RGS6: variants seen among roughly 807,000 people sequenced by gnomAD.
RGS6 encodes the protein regulator of G protein signaling 6, also known as regulator of G-protein signaling 6.
RGS6 carries 30 observed loss-of-function variants against 78.5 expected under a neutral mutation model. The ratio of observed to expected loss-of-function variants is 0.38; its 90% CI spans 0.29 to 0.52. The LOEUF (loss-of-function observed/expected upper bound fraction) is 0.52, where lower values mean the gene tolerates loss of function less well. Ranked by LOEUF, RGS6 falls within the 20% of genes least tolerant of loss-of-function variation. The pLI is 0.85. For missense variants in RGS6, 495 were observed against 609.7 expected, an observed-to-expected ratio of 0.81 and a Z score of 1.98; for synonymous variants, 206 against 206.0, an observed-to-expected ratio of 1.00 and a Z score of 0.00.
intron 2 of RGS6, among the ~76,000 whole-genome samples, chr14:72,107,436 T>C (rs1404131004): frequency 6.6e-6 from 1 of 152,140 alleles, no homozygotes; most frequent in Non-Finnish European, 1.5e-5. Flanking sequence ...TCATCTTGTG[T>C]ATTTCCTGCC....
In RGS6 at chr14:72,260,975, G is replaced by C. The variant is rs375922152; in HGVS notation, c.85-91120G>C. On this transcript the variant is annotated intron_variant, in intron 2 of 17. Coordinates refer to ENST00000553525, the MANE Select transcript of RGS6 (RefSeq NM_001204424.2). ...GCAATTGTTGCTGGTTCCTTGTCCA[G>C]AGGTGGCCTTTTGGGTTGAGGCAAC... is the stretch of plus-strand genomic sequence containing the variant. 3.1e-3 allele frequency among the ~76,000 whole-genome samples: 466 copies of C among 152,272 alleles called. 1 individual carries two copies. Among genetic ancestry groups the C allele is most frequent in the African/African-American group, 0.011 (450 of 41,550 alleles).
At chr14:72,537,509 T>G (rs1567078929) in intron 16 of RGS6, 1 of 702,316 alleles carries the variant, frequency 1.4e-6, no homozygotes, top group African/African-American at 1.7e-5. Context: ...CCTGCATCCC[T>G]CCCCACAGGT....
chr14:72,435,181 C>G (rs766140190), intron 3 of RGS6, among the ~76,000 whole-genome samples: 2 of 152,208 alleles, frequency 1.3e-5, no homozygotes, highest in Non-Finnish European at 2.9e-5. Context: ...CACAGTACTT[C>G]TGAAGTTTTT....
chr14:72,218,571 A>G (rs563081150), intron 2 of RGS6, among the ~76,000 whole-genome samples: 1 of 152,058 alleles, frequency 6.6e-6, no homozygotes, highest in Non-Finnish European at 1.5e-5. Context: ...CCATCAATAC[A>G]TAACCTTGTT....
chr14:72,603,989 AGAGT>A, the RGS6 span, among the ~76,000 whole-genome samples: 2 of 152,176 alleles, frequency 1.3e-5, no homozygotes, highest in Non-Finnish European at 2.9e-5. Flanking sequence ...GATGGGAGAG[AGAGT>A]AATAGTATAG....
intron 2 of RGS6, among the ~76,000 whole-genome samples, chr14:71,979,681 C>T (rs1475690823): frequency 2.6e-5 from 4 of 152,104 alleles, no homozygotes; most frequent in Non-Finnish European, 5.9e-5. Context: ...GCTTTACTTC[C>T]AAGTATGTGG....
chr14:72,039,023 T>C lies in RGS6; in HGVS notation c.84+74148T>C, dbSNP rs112215341. ...AGCATTCAGTCTTCATCATTAGATG[T>C]GATCCTTGTTGGTTTTCCAATGATA... On this transcript the variant is annotated intron_variant, in intron 2 of 17. Coordinates refer to ENST00000553525, the MANE Select transcript of RGS6 (RefSeq NM_001204424.2). Among the ~76,000 whole-genome samples, 996 of 152,348 alleles carry C rather than the reference T, an allele frequency of 6.5e-3. 11 individuals carry two copies. The highest frequency in any genetic ancestry group is 0.023 in the African/African-American group (960 of 41,586).
chr14:72,146,377 A>G (rs767571829), intron 2 of RGS6, among the ~76,000 whole-genome samples: 26 of 152,172 alleles, frequency 1.7e-4, no homozygotes, highest in Non-Finnish European at 2.6e-4. Flanking sequence ...CACATGTAAA[A>G]TATATTTATT....
the RGS6 span, among the ~76,000 whole-genome samples, chr14:72,625,887 A>G: frequency 2.6e-5 from 4 of 152,306 alleles, no homozygotes; most frequent in African/African-American, 9.6e-5. Context: ...GTCACAATAC[A>G]CAGTCATTAG....
At chr14:72,076,661 T>C (rs2094584739) in intron 2 of RGS6, among the ~76,000 whole-genome samples, 1 of 152,090 alleles carries the variant, frequency 6.6e-6, no homozygotes. Context: ...CCTGAGTAGC[T>C]GGGACTATAG....
chr14:72,200,768 G>T (rs138881234), intron 2 of RGS6, among the ~76,000 whole-genome samples: 3,138 of 152,080 alleles, frequency 0.021, 102 homozygotes, highest in African/African-American at 0.071. Flanking sequence ...TTTCAATGTG[G>T]TCGACTTATT....
intron 2 of RGS6, among the ~76,000 whole-genome samples, chr14:72,108,515 C>G (rs769654283): frequency 6.6e-6 from 1 of 151,774 alleles, no homozygotes; most frequent in Admixed American, 6.6e-5. Flanking sequence ...TTTACTGTTT[C>G]TGCCTTCTTT....
chr14:72,129,917 C>A (rs2096279167), intron 2 of RGS6, among the ~76,000 whole-genome samples: 1 of 152,182 alleles, frequency 6.6e-6, no homozygotes, highest in African/African-American at 2.4e-5. Flanking sequence ...CATCCTACAG[C>A]TCAATTCAGT....
In RGS6 at chr14:72,224,667, C is replaced by G. The variant is rs147714654; in HGVS notation, c.85-127428C>G. Among the ~76,000 whole-genome samples, 33 of 152,242 alleles carry G rather than the reference C, an allele frequency of 2.2e-4. 1 individual carries two copies. In the East Asian group the frequency reaches 6.2e-3, roughly 28 times the overall value. ...ATAAGTTTTTTTAGGACACTGTACACTTTGTGAATCTGATGAAAGGCGTGG... is the reference window on the plus strand; with the variant it reads ...ATAAGTTTTTTTAGGACACTGTACAGTTTGTGAATCTGATGAAAGGCGTGG... On this transcript the variant is annotated intron_variant, in intron 2 of 17. Transcript: ENST00000553525.
chr14:72,455,981 A>G (rs1310232071), intron 4 of RGS6, among the ~76,000 whole-genome samples: 2 of 152,316 alleles, frequency 1.3e-5, no homozygotes, highest in South Asian at 2.1e-4. Flanking sequence ...TGAGAACCCT[A>G]AATTGGCGAG....
chr14:72,358,942 G>A (rs2080920812), intron 3 of RGS6, among the ~76,000 whole-genome samples: 1 of 152,182 alleles, frequency 6.6e-6, no homozygotes, highest in African/African-American at 2.4e-5. Flanking sequence ...GGATGCAGTG[G>A]GAGGTAATTG....
chr14:72,037,412 C>T (rs901871100), intron 2 of RGS6, among the ~76,000 whole-genome samples: 15 of 152,146 alleles, frequency 9.9e-5, no homozygotes, highest in Non-Finnish European at 1.9e-4. Context: ...ATCAGCGAGG[C>T]CGTGAACTCA....
At chr14:72,106,580 C>G (rs1359752902) in intron 2 of RGS6, among the ~76,000 whole-genome samples, 1 of 152,156 alleles carries the variant, frequency 6.6e-6, no homozygotes, top group Non-Finnish European at 1.5e-5. Flanking sequence ...TCCAAATTAC[C>G]CACTCTCTTG....
chr14:72,198,034 T>G (rs1236907089), intron 2 of RGS6, among the ~76,000 whole-genome samples: 2 of 152,224 alleles, frequency 1.3e-5, no homozygotes, highest in Non-Finnish European at 2.9e-5. Flanking sequence ...TTAGTCTCCA[T>G]AAGAATAAGT....
Sources: gnomAD v4.1 joint callset for allele counts (sites outside exome capture counted in the v4.1 genomes callset) on GRCh38, gnomAD v4.1.1 for gene constraint, MANE v1.5 for transcripts, NCBI Gene and HGNC (gene_info 2026-07-23, HGNC 2026-07-21) for gene names.